TRPC7: variants seen among roughly 807,000 people sequenced by gnomAD.
The protein encoded by TRPC7 is short transient receptor potential channel 7.
Under a neutral mutation model 90.1 loss-of-function variants are expected in TRPC7, and 42 were observed. The ratio of observed to expected loss-of-function variants is 0.47; its 90% CI spans 0.36 to 0.60. The LOEUF is 0.60. TRPC7 is among the 20% of genes least tolerant of loss of function. TRPC7 has a pLI of 0.00. For missense variants in TRPC7, 955 were observed against 1,112.3 expected (o/e 0.86, Z 2.01); for synonymous variants, 451 against 436.3 (o/e 1.03, Z -0.42).
In TRPC7 at chr5:136,362,285, C is replaced by A. The variant is rs117036879; in HGVS notation, c.2+2968G>T. 3.2e-4 allele frequency among the ~76,000 whole-genome samples: 49 copies of A among 152,150 alleles called. 1 individual carries two copies. The East Asian group carries it at 7.3e-3, about 23-fold the overall frequency. On this transcript the variant is annotated intron_variant, in intron 1 of 11. Transcript: ENST00000513104. Reference sequence around the variant, plus strand: ...TTCACATTAACCATGTGCCAGCCACCATGCTGAGTAATTTATGTACATTGT... The same window carrying A: ...TTCACATTAACCATGTGCCAGCCACAATGCTGAGTAATTTATGTACATTGT...
In TRPC7 at chr5:136,356,509, C is replaced by T. The variant is rs1015275799; in HGVS notation, c.780+99G>A. 8.0e-6 allele frequency: 10 copies of T among 1,246,612 alleles called. No individual in the cohort carries two copies. The South Asian group carries it at 1.7e-4, about 21-fold the overall frequency. 77.2% of individuals were successfully genotyped at this position (1,246,612 alleles called of 1,614,324 possible). A position where few individuals can be genotyped will look rare whatever the true frequency, so the allele number is the denominator to read the frequency against. The stretch of plus-strand genomic sequence containing the variant: ...CCTGCTCAGTAAGATCCTGAAGCTT[C>T]CCTCTTTCTTAGATTTGAAGACAAC... On this transcript the variant is annotated intron_variant, in intron 2 of 11. Transcript: ENST00000513104.
rs564953142 is a variant in TRPC7, at chr5:136,233,051, C to T, written c.1845-1502G>A. On this transcript the variant is annotated intron_variant, in intron 7 of 11. Coordinates refer to ENST00000513104, the MANE Select transcript of TRPC7 (RefSeq NM_020389.3). ...TTGACTCGCATGAATTTACAGCTCT[C>T]CCGAGTGTGATTGTGTGGGGGTGTA... Among the ~76,000 whole-genome samples the T allele has an allele frequency of 1.6e-3, 245 of 152,232 alleles. 1 individual carries two copies. The highest frequency in any genetic ancestry group is 5.5e-3 in the African/African-American group (228 of 41,544).
At chr5:136,337,924 T>A (rs1056924321) in intron 2 of TRPC7, among the ~76,000 whole-genome samples, 1 of 152,114 alleles carries the variant, frequency 6.6e-6, no homozygotes, top group African/African-American at 2.4e-5. Flanking sequence ...CTAATCCCCA[T>A]CATGCAGAAG....
intron 8 of TRPC7, among the ~76,000 whole-genome samples, chr5:136,231,099 G>A (rs1755799921): frequency 6.6e-6 from 1 of 152,190 alleles, no homozygotes; most frequent in South Asian, 2.1e-4. Flanking sequence ...GAAGACAAGT[G>A]TAAAAGAGAG....
chr5:136,274,247 G>A (rs578242075), intron 4 of TRPC7, among the ~76,000 whole-genome samples: 3 of 152,266 alleles, frequency 2.0e-5, no homozygotes, highest in Admixed American at 1.3e-4. Flanking sequence ...TAATGTAATT[G>A]AGGCTGTGAA....
In TRPC7 at chr5:136,356,620, C is replaced by T. The variant is rs766640052; in HGVS notation, c.768G>A (p.Glu256=). ...GTGGAAGAGTTACCTTAAATTCAGTCTCAATGTTGGCTAGTCTGGCTAACT... is the reference window on the plus strand; with the variant it reads ...GTGGAAGAGTTACCTTAAATTCAGTTTCAATGTTGGCTAGTCTGGCTAACT... The part of the protein sequence containing the change: ...SNELARLANI[E]TEFKNDYRKL... Residue 256 remains glutamate (E), a synonymous_variant, in exon 2 of 12, where the codon GAG becomes GAA. Transcript: ENST00000513104. The T allele has an allele frequency of 1.9e-5, 29 of 1,533,684 alleles. No homozygotes were observed. The highest frequency in any genetic ancestry group is 1.4e-4 in the South Asian group (11 of 78,480).
chr5:136,329,012 T>C (rs1348656628), intron 2 of TRPC7, among the ~76,000 whole-genome samples: 2 of 152,222 alleles, frequency 1.3e-5, no homozygotes, highest in Non-Finnish European at 2.9e-5. Context: ...GCGCACCACC[T>C]TCCTCAGCCA....
At chr5:136,261,041 C>G (rs952482574) in intron 5 of TRPC7, among the ~76,000 whole-genome samples, 1 of 152,160 alleles carries the variant, frequency 6.6e-6, no homozygotes, top group African/African-American at 2.4e-5. Context: ...TGCCTAGGAG[C>G]AGAATTCCAA....
At position 136,250,859 on chromosome 5, in the gene TRPC7, C is replaced by T. The variant is rs77547041; in HGVS notation, c.1579+790G>A. Among the ~76,000 whole-genome samples, 1,224 of 152,310 alleles carry T rather than the reference C, an allele frequency of 8.0e-3. 15 individuals are homozygous for T. Among genetic ancestry groups the T allele is most frequent in the African/African-American group, 0.021 (861 of 41,560 alleles). On this transcript the variant is annotated intron_variant, in intron 6 of 11. Transcript: ENST00000513104. ...ACTCCAAAGCTTGGGGACATAACCACTATGCTATTCAGCATGATTTTCAAA... is the reference window on the plus strand; with the variant it reads ...ACTCCAAAGCTTGGGGACATAACCATTATGCTATTCAGCATGATTTTCAAA...
chr5:136,216,908 A>G (rs1456310696), intron 10 of TRPC7, among the ~76,000 whole-genome samples: 1 of 152,246 alleles, frequency 6.6e-6, no homozygotes, highest in Non-Finnish European at 1.5e-5. Context: ...CCGGAGTCAC[A>G]CTGGAGCAGG....
At chr5:136,300,860 G>T (rs1034779441) in intron 3 of TRPC7, among the ~76,000 whole-genome samples, 1 of 152,192 alleles carries the variant, frequency 6.6e-6, no homozygotes, top group Non-Finnish European at 1.5e-5. Flanking sequence ...CACATTGCAT[G>T]CAGGGCATGT....
intron 2 of TRPC7, among the ~76,000 whole-genome samples, chr5:136,353,172 T>G (rs1413337129): frequency 6.6e-6 from 1 of 152,158 alleles, no homozygotes; most frequent in Non-Finnish European, 1.5e-5. Flanking sequence ...CCAAAAATAA[T>G]GGCTTGCTAG....
intron 3 of TRPC7, among the ~76,000 whole-genome samples, chr5:136,294,071 GAAAACTGGCTAGCC>G (rs1758066412): frequency 6.6e-6 from 1 of 152,136 alleles, no homozygotes; most frequent in Non-Finnish European, 1.5e-5. Flanking sequence ...ATGGTGCTGG[GAAAACTGGCTAGCC>G]ATATGTAGAA....
Position 136,251,850 on chromosome 5 carries a change from C to T in TRPC7, c.1378G>A (p.Glu460Lys). 3 of 1,613,962 alleles carry T rather than the reference C, an allele frequency of 1.9e-6. No homozygotes were observed. The highest frequency in any genetic ancestry group is 1.7e-6 in the Non-Finnish European group (2 of 1,179,862). Residue 460 changes from glutamate to lysine, a missense_variant, in exon 6 of 12, where the codon GAG (glutamate) becomes AAG (lysine). Glu to Lys is a moderately conservative substitution (Grantham distance 56). Around this residue, in one of 4 missense-constraint regions of TRPC7, gnomAD observed 484 missense variants for 509.6 expected, o/e 0.95. Coordinates refer to ENST00000513104, the MANE Select transcript of TRPC7 (RefSeq NM_020389.3). Reference sequence around the variant, plus strand: ...AGCACGTACTCCCGTGGCCCCTCCTCCCAGATTTCCTTGCATTCGGACCAA... The same window carrying T: ...AGCACGTACTCCCGTGGCCCCTCCTTCCAGATTTCCTTGCATTCGGACCAA... ...MIWSECKEIW[E>K]EGPREYVLHL...
At chr5:136,346,296 AT>A (rs1381198956) in intron 2 of TRPC7, among the ~76,000 whole-genome samples, 2 of 152,164 alleles carry the variant, frequency 1.3e-5, no homozygotes, top group African/African-American at 4.8e-5. Context: ...TAATGCTAAT[AT>A]TTTTGTTCTT....
At chr5:136,361,647 C>T (rs779781614) in intron 1 of TRPC7, among the ~76,000 whole-genome samples, 4 of 152,114 alleles carry the variant, frequency 2.6e-5, no homozygotes, top group African/African-American at 7.2e-5. Context: ...TTCTAAAATG[C>T]TACATGCATC....
chr5:136,226,010 C>A (rs1398200136), intron 9 of TRPC7, 24 bp downstream of exon 9: 2 of 1,559,494 alleles, frequency 1.3e-6, no homozygotes, highest in South Asian at 1.2e-5. Context: ...CCTTCTCCAG[C>A]CTCATAAACC....
intron 3 of TRPC7, among the ~76,000 whole-genome samples, chr5:136,315,323 A>G (rs982448171): frequency 1.3e-5 from 2 of 152,140 alleles, no homozygotes; most frequent in African/African-American, 2.4e-5. Context: ...TTGAGGCTGA[A>G]GATGTCTTCT....
Position 136,247,984 on chromosome 5 carries a change from T to A in TRPC7, c.1580-249A>T, listed in dbSNP as rs1455884915. ...CCTCCTCTAAGACTCTGCTCAGGCATCACCTCTTTCAGGAAGCCTTCTGTG... is the reference window on the plus strand; with the variant it reads ...CCTCCTCTAAGACTCTGCTCAGGCAACACCTCTTTCAGGAAGCCTTCTGTG... On this transcript the variant is annotated intron_variant, in intron 6 of 11. Coordinates refer to ENST00000513104, the MANE Select transcript of TRPC7 (RefSeq NM_020389.3). This position sits in a 1 kb window ranked among gnomAD's most constrained non-coding sequence, Gnocchi z 4.2. Among the ~76,000 whole-genome samples the A allele has an allele frequency of 6.6e-6, 1 of 152,202 alleles. No homozygotes were observed. The highest frequency in any genetic ancestry group is 1.5e-5 in the Non-Finnish European group (1 of 68,034).
Sources: gnomAD v4.1 joint callset for allele counts (sites outside exome capture counted in the v4.1 genomes callset) on GRCh38, gnomAD v4.1.1 for gene constraint, gnomAD v4.1.1 regional missense constraint, Gnocchi (gnomAD v3.1) non-coding constraint, MANE v1.5 for transcripts, NCBI Gene and HGNC (gene_info 2026-07-23, HGNC 2026-07-21) for gene names.